Variants in CLEC16A observed in about 807,000 individuals in gnomAD.
CLEC16A encodes the protein protein CLEC16A.
In CLEC16A, 51 loss-of-function variants were observed where a neutral mutation model predicts 109.5. The observed-to-expected ratio is 0.47, with a 90% CI of 0.37 to 0.59. The LOEUF (loss-of-function observed/expected upper bound fraction) is 0.59, where lower values mean the gene tolerates loss of function less well. Among genes scored for constraint, CLEC16A ranks in the 20% least tolerant of loss-of-function variants. The pLI, the probability that CLEC16A is intolerant of heterozygous loss-of-function variation, is 0.00. For missense variants in CLEC16A, 1,339 were observed against 1,394.0 expected, an observed-to-expected ratio of 0.96 and a Z score of 0.63; for synonymous variants, 673 against 564.2, an observed-to-expected ratio of 1.19 and a Z score of -2.73.
intron 13 of CLEC16A, among the ~76,000 whole-genome samples, chr16:11,028,654 A>T (rs1008837826): frequency 3.3e-5 from 5 of 152,148 alleles, no homozygotes; most frequent in African/African-American, 1.2e-4. Context: ...GTACCATAAA[A>T]TTAACTCATT....
At chr16:11,006,063 A>G (rs531859461) in intron 11 of CLEC16A, among the ~76,000 whole-genome samples, 60 of 152,022 alleles carry the variant, frequency 3.9e-4, no homozygotes, top group African/African-American at 1.4e-3. Flanking sequence ...TTTATTGTTC[A>G]TGTTCCTGGG....
At chr16:11,039,727 C>T (rs1361302995) in intron 13 of CLEC16A, 27 bp from the exon 14 acceptor site, 6 of 1,579,310 alleles carry the variant, frequency 3.8e-6, no homozygotes, top group Non-Finnish European at 4.3e-6. Flanking sequence ...AGGAGGCCTC[C>T]ACTTACATCC....
intron 10 of CLEC16A, among the ~76,000 whole-genome samples, chr16:10,991,304 T>C (rs1304690581): frequency 6.6e-6 from 1 of 151,022 alleles, no homozygotes; most frequent in Non-Finnish European, 1.5e-5. Context: ...GTCATGTTGG[T>C]ATCTGGAGGA....
intron 13 of CLEC16A, among the ~76,000 whole-genome samples, chr16:11,036,844 C>T (rs1468591947): frequency 2.6e-5 from 4 of 152,174 alleles, no homozygotes; most frequent in Non-Finnish European, 5.9e-5. Flanking sequence ...CCACCGTGCC[C>T]GGCCTAACTT....
intron 10 of CLEC16A, among the ~76,000 whole-genome samples, chr16:10,992,547 AAG>A (rs1220237287): frequency 6.6e-6 from 1 of 151,500 alleles, no homozygotes; most frequent in African/African-American, 2.4e-5. Context: ...AAAAATAAAA[AAG>A]AAAAAGATAA....
intron 19 of CLEC16A, among the ~76,000 whole-genome samples, chr16:11,073,223 G>A (rs573070363): frequency 1.8e-4 from 28 of 152,258 alleles, no homozygotes; most frequent in Admixed American, 9.8e-4. Flanking sequence ...CCGGGGTCCC[G>A]TGTTTTTGTC....
Position 11,179,876 on chromosome 16 carries a change from G to A in CLEC16A, c.*1186G>A, listed in dbSNP as rs2068904764. ...ATGGTTCCCTTCCCCATTCGGACTG[G>A]GTGTGTACAAGCAAGGACCCAGATG... is the stretch of plus-strand genomic sequence containing the variant. On this transcript the variant is annotated 3_prime_UTR_variant, in exon 24 of 24. Coordinates refer to ENST00000409790, the MANE Select transcript of CLEC16A (RefSeq NM_015226.3). 6.6e-6 allele frequency: 1 copy of A among 152,380 alleles called. No homozygotes were observed. Among genetic ancestry groups the A allele is most frequent in the African/African-American group, 2.4e-5 (1 of 41,450 alleles). 9.4% of individuals were successfully genotyped at this position (152,380 alleles called of 1,614,324 possible).
chr16:11,100,254 A>G (rs1190078515), intron 19 of CLEC16A, among the ~76,000 whole-genome samples: 1 of 151,966 alleles, frequency 6.6e-6, no homozygotes, highest in Admixed American at 6.6e-5. Flanking sequence ...CTTTCTCACC[A>G]CCTATCATGC....
At chr16:11,011,548 T>A (rs201495439) in intron 11 of CLEC16A, among the ~76,000 whole-genome samples, 2 of 152,184 alleles carry the variant, frequency 1.3e-5, no homozygotes, top group East Asian at 3.8e-4. Context: ...GTTCATCTAG[T>A]ACCTCCTCTG....
At chr16:11,048,855 A>G (rs888747653) in intron 17 of CLEC16A, among the ~76,000 whole-genome samples, 3 of 151,406 alleles carry the variant, frequency 2.0e-5, no homozygotes, top group South Asian at 4.2e-4. Flanking sequence ...TCCCCCTGCA[A>G]TGTCATTTCC....
At chr16:11,018,289 G>GAAA (rs34388528) in intron 11 of CLEC16A, among the ~76,000 whole-genome samples, 3 of 111,854 alleles carry the variant, frequency 2.7e-5, no homozygotes, top group East Asian at 5.8e-4. Context: ...TCTCAAAAAA[G>GAAA]AAAAAAAAAA....
At chr16:11,144,492 C>T (rs1334066440) in intron 22 of CLEC16A, among the ~76,000 whole-genome samples, 1 of 152,118 alleles carries the variant, frequency 6.6e-6, no homozygotes, top group East Asian at 1.9e-4. Context: ...ACCCTCCCCT[C>T]AGCTGAGAGG....
intron 19 of CLEC16A, among the ~76,000 whole-genome samples, chr16:11,103,742 G>C (rs1018433464): frequency 2.6e-5 from 4 of 152,048 alleles, no homozygotes; most frequent in African/African-American, 7.2e-5. Flanking sequence ...TGCTAGACAG[G>C]AACCCCTGAG....
chr16:11,012,475 G>A (rs1191256282), intron 11 of CLEC16A, among the ~76,000 whole-genome samples: 1 of 151,754 alleles, frequency 6.6e-6, no homozygotes, highest in African/African-American at 2.4e-5. Context: ...CGTGCCTGTA[G>A]TCCCAGCTAC....
intron 18 of CLEC16A, among the ~76,000 whole-genome samples, chr16:11,054,177 C>CA (rs2152888734): frequency 6.6e-6 from 1 of 152,370 alleles, no homozygotes; most frequent in African/African-American, 2.4e-5. Flanking sequence ...CCTCTTAACA[C>CA]AGTTTCATGA....
intron 2 of CLEC16A, 125 bp downstream of exon 2, chr16:10,958,035 A>T: frequency 2.3e-6 from 2 of 885,042 alleles, no homozygotes; most frequent in South Asian, 2.1e-5. Context: ...CTAGATATCT[A>T]TCTCTGTCTA....
intron 22 of CLEC16A, among the ~76,000 whole-genome samples, chr16:11,142,357 T>A (rs1177536254): frequency 6.6e-6 from 1 of 152,226 alleles, no homozygotes; most frequent in Non-Finnish European, 1.5e-5. Flanking sequence ...CTCACATGCG[T>A]GGCTCCTGGG....
intron 10 of CLEC16A, among the ~76,000 whole-genome samples, chr16:11,002,645 C>A (rs1344243097): frequency 6.6e-6 from 1 of 152,162 alleles, no homozygotes; most frequent in Non-Finnish European, 1.5e-5. Context: ...TCATCCACCC[C>A]CTCCAAGTCC....
intron 2 of CLEC16A, among the ~76,000 whole-genome samples, chr16:10,958,347 T>G (rs1293310531): frequency 6.6e-6 from 1 of 152,060 alleles, no homozygotes; most frequent in Non-Finnish European, 1.5e-5. Context: ...ACCCACCCCA[T>G]GGTAGAGGCC....
Sources: allele counts gnomAD v4.1 joint callset (sites outside exome capture counted in the v4.1 genomes callset), GRCh38; gene constraint gnomAD v4.1.1; transcripts MANE v1.5; gene names NCBI Gene and HGNC (gene_info 2026-07-23, HGNC 2026-07-21).